The following WDFY4 variants were observed in gnomAD, a reference collection of about 807,000 sequenced individuals.
WDFY4 encodes WD repeat- and FYVE domain-containing protein 4.
In WDFY4, 169 loss-of-function variants were observed where a neutral mutation model predicts 351.9. That is an observed-to-expected ratio of 0.48 (90% confidence interval 0.42 to 0.55). WDFY4 has a LOEUF of 0.55. Ranked by LOEUF, WDFY4 falls within the 20% of genes least tolerant of loss-of-function variation. The pLI is 0.00. For missense variants in WDFY4, 3,803 were observed against 3,935.6 expected (o/e 0.97, Z 0.90); for synonymous variants, 1,622 against 1,574.6 (o/e 1.03, Z -0.71).
chr10:48,772,429 G>A (rs1034038642), intron 13 of WDFY4, among the ~76,000 whole-genome samples: 3 of 151,956 alleles, frequency 2.0e-5, no homozygotes, highest in Non-Finnish European at 4.4e-5. Flanking sequence ...GTAAGTAGGG[G>A]GCATGTAAGT....
intron 32 of WDFY4, 43 bp downstream of exon 32, chr10:48,817,452 C>T: frequency 2.0e-6 from 3 of 1,506,544 alleles, no homozygotes; most frequent in Non-Finnish European, 2.7e-6. Flanking sequence ...CAGTTGTGAG[C>T]ATCATCATCC....
intron 13 of WDFY4, among the ~76,000 whole-genome samples, chr10:48,764,526 T>C (rs1013304805): frequency 3.3e-5 from 5 of 152,244 alleles, no homozygotes; most frequent in Non-Finnish European, 7.3e-5. Context: ...ATAAGAGATG[T>C]GGCCGTGGGC....
chr10:48,734,502 G>A (rs1305828499), intron 10 of WDFY4, among the ~76,000 whole-genome samples: 6 of 145,568 alleles, frequency 4.1e-5, no homozygotes, highest in African/African-American at 1.5e-4. Flanking sequence ...TGTGGCTTCT[G>A]GGTTTTAAAA....
At chr10:48,950,192 A>G (rs1172483368) in intron 51 of WDFY4, among the ~76,000 whole-genome samples, 3 of 152,114 alleles carry the variant, frequency 2.0e-5, no homozygotes, top group Admixed American at 1.3e-4. Context: ...CCATGAAACA[A>G]TAACTCTCCA....
chr10:48,749,294 C>T (rs1400630911), intron 12 of WDFY4, among the ~76,000 whole-genome samples: 1 of 151,976 alleles, frequency 6.6e-6, no homozygotes, highest in Admixed American at 6.6e-5. Flanking sequence ...AATAAACACC[C>T]CTACACCAAA....
intron 47 of WDFY4, among the ~76,000 whole-genome samples, chr10:48,912,658 C>A (rs1789437711): frequency 6.6e-6 from 1 of 152,200 alleles, no homozygotes; most frequent in Admixed American, 6.5e-5. Context: ...ATTGAATGCA[C>A]CAATCCATAC....
chr10:48,977,952 C>T lies in WDFY4; in HGVS notation c.9292-357C>T, dbSNP rs560423710. 5.3e-5 allele frequency among the ~76,000 whole-genome samples: 8 copies of T among 152,266 alleles called. No homozygotes were observed. In the East Asian group the frequency reaches 1.5e-3, roughly 29 times the overall value. ...CCAGCCACCCAGGGGTGAGGGAGTA[C>T]TCTAGAGGTGGTAGCATTATGGGCA... On this transcript the variant is annotated intron_variant, in intron 59 of 61. Coordinates refer to ENST00000325239, the MANE Select transcript of WDFY4 (RefSeq NM_001394531.1).
chr10:48,731,045 A>G (rs985528763), intron 8 of WDFY4, 65 bp from the exon 9 acceptor site: 24 of 1,434,902 alleles, frequency 1.7e-5, no homozygotes, highest in Non-Finnish European at 2.0e-5. Context: ...TAGTAATGAA[A>G]ACATCTATTT....
intron 10 of WDFY4, 74 bp from the exon 11 acceptor site, chr10:48,735,806 C>A: frequency 3.7e-6 from 5 of 1,363,180 alleles, no homozygotes; most frequent in Non-Finnish European, 4.9e-6. Flanking sequence ...TAAGACAAAG[C>A]TTTTCTTTTG....
intron 12 of WDFY4, among the ~76,000 whole-genome samples, chr10:48,759,273 C>A (rs2065428347): frequency 6.6e-6 from 1 of 152,174 alleles, no homozygotes; most frequent in Non-Finnish European, 1.5e-5. Context: ...GGTTAATATA[C>A]AACTTTGTGG....
intron 29 of WDFY4, 99 bp downstream of exon 29, chr10:48,810,834 T>C: frequency 7.9e-7 from 1 of 1,264,386 alleles, no homozygotes. Context: ...CCATCACAGC[T>C]CTGTGCAGCA....
intron 12 of WDFY4, among the ~76,000 whole-genome samples, chr10:48,750,056 C>T (rs551526384): frequency 4.6e-5 from 7 of 152,334 alleles, no homozygotes; most frequent in African/African-American, 1.7e-4. Context: ...CAGGCCAGAG[C>T]CCTAAACACT....
At chr10:48,714,881 C>T (rs967421603) in intron 2 of WDFY4, among the ~76,000 whole-genome samples, 1 of 152,206 alleles carries the variant, frequency 6.6e-6, no homozygotes, top group Admixed American at 6.5e-5. Context: ...GCTCACACTC[C>T]TCCCTTCAAG....
chr10:48,951,863 G>A (rs1841340589), intron 51 of WDFY4, among the ~76,000 whole-genome samples: 2 of 152,066 alleles, frequency 1.3e-5, no homozygotes, highest in South Asian at 4.2e-4. Context: ...GTGGGGCCCA[G>A]CAAGGCAGCC....
chr10:48,791,595 T>C (rs1017656295), intron 23 of WDFY4, among the ~76,000 whole-genome samples: 2 of 152,232 alleles, frequency 1.3e-5, no homozygotes, highest in African/African-American at 4.8e-5. Context: ...ACTGTGATTG[T>C]CATTGCTATT....
At chr10:48,829,373 T>C (rs1589707114) in intron 37 of WDFY4, among the ~76,000 whole-genome samples, 1 of 152,366 alleles carries the variant, frequency 6.6e-6, no homozygotes, top group Admixed American at 6.5e-5. Flanking sequence ...TAATGGAGTT[T>C]ATTCTTGGAT....
At chr10:48,960,292 A>T (rs1841798616) in intron 53 of WDFY4, among the ~76,000 whole-genome samples, 1 of 152,244 alleles carries the variant, frequency 6.6e-6, no homozygotes, top group Admixed American at 6.5e-5. Flanking sequence ...TTTCTGGGTT[A>T]GTTTAAGCAC....
At chr10:48,974,321 G>A (rs1207283746) in intron 57 of WDFY4, among the ~76,000 whole-genome samples, 2 of 151,722 alleles carry the variant, frequency 1.3e-5, no homozygotes, top group Non-Finnish European at 2.9e-5. Context: ...TGGCTAACTT[G>A]GTGAAACCCC....
At chr10:48,805,175 G>C in intron 25 of WDFY4, 85 bp from the exon 26 acceptor site, 1 of 1,458,452 alleles carries the variant, frequency 6.9e-7, no homozygotes. Flanking sequence ...AACAAGCCTG[G>C]CTTGAAAAAC....
Sources: gnomAD v4.1 joint callset for allele counts (sites outside exome capture counted in the v4.1 genomes callset) on GRCh38, gnomAD v4.1.1 for gene constraint, MANE v1.5 for transcripts, NCBI Gene and HGNC (gene_info 2026-07-23, HGNC 2026-07-21) for gene names.